Variants in PABIR3 observed in about 807,000 individuals in gnomAD.
PABIR3 encodes PABIR family member 1.
In PABIR3, 20 loss-of-function variants were observed where a neutral mutation model predicts 23.1. That is an observed-to-expected ratio of 0.86 (90% CI 0.61 to 1.26). PABIR3 has a LOEUF of 1.26. PABIR3 is among the 50% of genes most tolerant of loss of function. PABIR3 has a pLI of 0.00. For missense variants in PABIR3, 189 were observed against 195.4 expected (o/e 0.97, Z 0.20); for synonymous variants, 69 against 68.5 (o/e 1.01, Z -0.04).
rs1456405509 is a variant in PABIR3, at chrX:134,811,545, G to A, written c.111-3226G>A. Among the ~76,000 whole-genome samples, 3 of 110,076 alleles carry A rather than the reference G, an allele frequency of 2.7e-5. No individual in the cohort carries two copies. In the South Asian group the frequency reaches 1.2e-3, roughly 43 times the overall value. ...TGGGACTACAGGCATGCACCACCAC[G>A]CCAGGCTAATTTTTGTATTTTTAGT... is the stretch of plus-strand genomic sequence containing the variant. On this transcript the variant is annotated intron_variant, in intron 2 of 10. Coordinates refer to ENST00000645433, the MANE Select transcript of PABIR3 (RefSeq NM_001388447.1).
chrX:134,856,705 G>A (rs997418843), downstream of PABIR3, among the ~76,000 whole-genome samples: 3 of 111,207 alleles, frequency 2.7e-5, no homozygotes, highest in African/African-American at 6.5e-5. Context: ...TTCTGTGTTT[G>A]ATTTTTTTAA....
intron 3 of PABIR3, chrX:134,821,257 A>AC (rs1401738181): frequency 5.3e-6 from 5 of 951,282 alleles, no homozygotes; most frequent in African/African-American, 4.1e-5. Context: ...AAAAAAAAAA[A>AC]AAAAAAAAAA....
intron 6 of PABIR3, among the ~76,000 whole-genome samples, chrX:134,845,988 G>A (rs780492796): frequency 3.6e-5 from 4 of 111,728 alleles, no homozygotes; most frequent in East Asian, 2.8e-4. Context: ...GTGTTAGTCC[G>A]TTCTCACATT....
intron 4 of PABIR3, among the ~76,000 whole-genome samples, chrX:134,832,139 G>A (rs962493022): frequency 1.2e-4 from 13 of 109,518 alleles, no homozygotes; most frequent in Admixed American, 3.9e-4. Context: ...TTAGCCGTGC[G>A]TGGTGGGTGC....
the PABIR3 span, among the ~76,000 whole-genome samples, chrX:134,863,949 C>T: frequency 3.6e-5 from 4 of 112,113 alleles, no homozygotes; most frequent in Non-Finnish European, 7.5e-5. Flanking sequence ...ACTGCATCTT[C>T]GTACACAGGA....
At chrX:134,846,143 G>T (rs1693601443) in intron 6 of PABIR3, among the ~76,000 whole-genome samples, 1 of 111,685 alleles carries the variant, frequency 9.0e-6, no homozygotes, top group Non-Finnish European at 1.9e-5. Flanking sequence ...GATAGAATGA[G>T]TGCCAGCAGG....
chrX:134,826,672 A>G (rs944830980), intron 3 of PABIR3, among the ~76,000 whole-genome samples: 1 of 112,029 alleles, frequency 8.9e-6, no homozygotes, highest in African/African-American at 3.2e-5. Flanking sequence ...ATTGTGGTGA[A>G]GTAGTTGTTG....
At chrX:134,818,854 C>T (rs1226000818) in intron 3 of PABIR3, among the ~76,000 whole-genome samples, 2 of 109,723 alleles carry the variant, frequency 1.8e-5, no homozygotes, top group Non-Finnish European at 3.8e-5. Context: ...AGTCAGCAAC[C>T]GGTGCACCTG....
intron 4 of PABIR3, chrX:134,835,551 TAA>T (rs2081947530): frequency 8.9e-6 from 1 of 112,215 alleles, no homozygotes; most frequent in African/African-American, 3.2e-5. Flanking sequence ...TTCTAAGTAT[TAA>T]AGAGACTGAG....
chrX:134,858,747 G>A (rs781686817), downstream of PABIR3, among the ~76,000 whole-genome samples: 3 of 111,519 alleles, frequency 2.7e-5, no homozygotes, highest in Non-Finnish European at 5.6e-5. Flanking sequence ...ATGTCTCGCA[G>A]ATTTCTTACA....
chrX:134,852,791 T>A lies in PABIR3; in HGVS notation c.590-9T>A. ...AAAACATCTACCTTGATCTGCTGTA[T>A]TGTCATAGGTGAAATGGCATTTCAA... On this transcript the variant is annotated splice_polypyrimidine_tract_variant and intron_variant, in intron 9 of 10. Transcript: ENST00000645433. The A allele has an allele frequency of 9.2e-7, 1 of 1,084,418 alleles. No individual in the cohort carries two copies. 89.4% of individuals were successfully genotyped at this position (1,084,418 alleles called of 1,213,427 possible). A position where few individuals can be genotyped will look rare whatever the true frequency, so the allele number is the denominator to read the frequency against.
chrX:134,856,782 G>A (rs2082752330), downstream of PABIR3, among the ~76,000 whole-genome samples: 1 of 110,715 alleles, frequency 9.0e-6, no homozygotes, highest in African/African-American at 3.3e-5. Context: ...AGGCCGAAGT[G>A]GGTGAGTCAT....
At chrX:134,815,021 T>A (rs1277045003) in intron 3 of PABIR3, among the ~76,000 whole-genome samples, 172 bp downstream of exon 3, 1 of 111,549 alleles carries the variant, frequency 9.0e-6, no homozygotes, top group Non-Finnish European at 1.9e-5. Context: ...GCATGAGAAT[T>A]TGCATTTCTA....
At chrX:134,802,123 G>A (rs1009297900) in intron 1 of PABIR3, among the ~76,000 whole-genome samples, 19 of 108,341 alleles carry the variant, frequency 1.8e-4, no homozygotes, top group Admixed American at 3.0e-4. Context: ...TCGCTTTGTC[G>A]CCCAGGCTGG....
At chrX:134,860,713 G>A in the PABIR3 span, among the ~76,000 whole-genome samples, 1 of 111,615 alleles carries the variant, frequency 9.0e-6, no homozygotes, top group Non-Finnish European at 1.9e-5. Context: ...AGTGGTGCTG[G>A]GGCAACTGAG....
In PABIR3 at chrX:134,845,373, G is replaced by C; in HGVS notation, c.317G>C (p.Ser106Thr). Residue 106 changes from serine to threonine, a missense_variant, in exon 6 of 11, where the codon AGT becomes ACT. By Grantham distance (58) the Ser-to-Thr change is moderately conservative. Coordinates refer to ENST00000645433, the MANE Select transcript of PABIR3 (RefSeq NM_001388447.1). ...AAGCTACAAAGTGAGATACAGATAAGTCACTCTTGGGAAGAAGGCTTGAAA... is the reference window on the plus strand; with the variant it reads ...AAGCTACAAAGTGAGATACAGATAACTCACTCTTGGGAAGAAGGCTTGAAA... Reference protein sequence around the residue: ...EWKLQSEIQISHSWEEGLKLN... With the variant: ...EWKLQSEIQITHSWEEGLKLN... 6 of 1,205,131 alleles carry C rather than the reference G, an allele frequency of 5.0e-6. No homozygotes were observed. The highest frequency in any genetic ancestry group is 6.7e-6 in the Non-Finnish European group (6 of 893,543).
chrX:134,803,905 G>GTTT (rs766676054), upstream of PABIR3, among the ~76,000 whole-genome samples: 31 of 98,732 alleles, frequency 3.1e-4, no homozygotes, highest in African/African-American at 1.1e-3. Context: ...TTGCCTGCTA[G>GTTT]TTTTTTTTTT....
chrX:134,830,435 C>G (rs1402509294), intron 4 of PABIR3, among the ~76,000 whole-genome samples: 1 of 100,690 alleles, frequency 9.9e-6, no homozygotes, highest in Admixed American at 1.1e-4. Context: ...CAGGTTCAAG[C>G]GATTCTCCTG....
At chrX:134,848,409 CTG>C (rs2082509764) in intron 8 of PABIR3, among the ~76,000 whole-genome samples, 1 of 110,381 alleles carries the variant, frequency 9.1e-6, no homozygotes, top group African/African-American at 3.3e-5. Flanking sequence ...AAAAAAGTCA[CTG>C]TTTCAGTTTA....
Sources: gnomAD v4.1 joint callset for allele counts (sites outside exome capture counted in the v4.1 genomes callset) on GRCh38, gnomAD v4.1.1 for gene constraint, MANE v1.5 for transcripts, NCBI Gene and HGNC (gene_info 2026-07-23, HGNC 2026-07-21) for gene names.